Variants in WDR70 observed in about 807,000 individuals in gnomAD.
WDR70 encodes WD repeat-containing protein 70.
A neutral mutation model predicts 88.6 loss-of-function variants in WDR70; 53 were observed. That is an observed-to-expected ratio of 0.60 (90% CI 0.48 to 0.75). The LOEUF is 0.75. Among genes scored for constraint, WDR70 ranks in the 30% least tolerant of loss-of-function variants. The pLI, the probability that WDR70 is intolerant of heterozygous loss-of-function variation, is 0.00. For missense variants in WDR70, 610 were observed against 823.2 expected (o/e 0.74, Z 3.17); for synonymous variants, 280 against 270.0 (o/e 1.04, Z -0.36).
chr5:37,487,099 T>G (rs1739897304), intron 8 of WDR70, among the ~76,000 whole-genome samples: 1 of 152,198 alleles, frequency 6.6e-6, no homozygotes, highest in African/African-American at 2.4e-5. Context: ...AAATTAAAAT[T>G]AGTTACCAGC....
In WDR70 at chr5:37,723,128, G is replaced by T; in HGVS notation, c.1597+194G>T. 2.0e-5 allele frequency: 12 copies of T among 607,788 alleles called. No individual in the cohort carries two copies. The South Asian group carries it at 2.3e-4, about 12-fold the overall frequency. The allele number at this position is 607,788 out of a possible 1,614,324, so 37.6% of individuals were successfully genotyped here. On this transcript the variant is annotated intron_variant, in intron 15 of 17. Coordinates refer to ENST00000265107, the MANE Select transcript of WDR70 (RefSeq NM_018034.4). ...TTCTGTGACTCATCACAGGGACAGG[G>T]TTATTTCATGCAGCTTTCAACCCAA...
At chr5:37,716,301 C>G (rs1480834592) in intron 13 of WDR70, among the ~76,000 whole-genome samples, 1 of 152,110 alleles carries the variant, frequency 6.6e-6, no homozygotes, top group African/African-American at 2.4e-5. Flanking sequence ...ATTGCAGATC[C>G]CTAAGATGTT....
intron 13 of WDR70, among the ~76,000 whole-genome samples, chr5:37,711,004 A>G (rs1443299906): frequency 6.6e-6 from 1 of 152,092 alleles, no homozygotes; most frequent in African/African-American, 2.4e-5. Flanking sequence ...TTTAAACAAC[A>G]TTCAGAGGGA....
At chr5:37,455,647 T>G (rs1329927573) in intron 7 of WDR70, among the ~76,000 whole-genome samples, 2 of 137,852 alleles carry the variant, frequency 1.5e-5, no homozygotes, top group Non-Finnish European at 3.2e-5. Context: ...TTTTTTTTTT[T>G]TTTTTTTTGC....
intron 7 of WDR70, among the ~76,000 whole-genome samples, chr5:37,462,270 A>C (rs1382814147): frequency 6.6e-6 from 1 of 151,792 alleles, no homozygotes; most frequent in African/African-American, 2.4e-5. Context: ...ATATTTTTAC[A>C]TTTTTGGGTG....
intron 7 of WDR70, among the ~76,000 whole-genome samples, chr5:37,467,696 C>T (rs976100913): frequency 5.3e-5 from 8 of 151,706 alleles, no homozygotes; most frequent in East Asian, 1.9e-4. Context: ...CCACTGCGCC[C>T]GGCTAATTTT....
At chr5:37,745,198 A>G (rs1366841445) in intron 17 of WDR70, among the ~76,000 whole-genome samples, 1 of 152,178 alleles carries the variant, frequency 6.6e-6, no homozygotes, top group African/African-American at 2.4e-5. Context: ...CGAAGGAGAA[A>G]TAAAATCCTT....
At chr5:37,484,474 AG>A (rs1482835883) in intron 8 of WDR70, among the ~76,000 whole-genome samples, 3 of 152,156 alleles carry the variant, frequency 2.0e-5, no homozygotes, top group African/African-American at 7.2e-5. Context: ...AGAATCAGGC[AG>A]GGAGGTTGCA....
intron 10 of WDR70, among the ~76,000 whole-genome samples, chr5:37,607,956 A>G (rs6874891): frequency 6.6e-6 from 1 of 151,634 alleles, no homozygotes; most frequent in Admixed American, 6.6e-5. Flanking sequence ...GAGAGGGGGA[A>G]AGAATAGTGG....
intron 3 of WDR70, among the ~76,000 whole-genome samples, chr5:37,389,708 G>A (rs925724719): frequency 5.9e-5 from 9 of 151,872 alleles, no homozygotes; most frequent in Non-Finnish European, 1.2e-4. Context: ...CACCGTGCCC[G>A]ACAGGCCCAT....
chr5:37,613,288 A>T (rs1047105190), intron 10 of WDR70, among the ~76,000 whole-genome samples: 1 of 152,202 alleles, frequency 6.6e-6, no homozygotes, highest in Non-Finnish European at 1.5e-5. Flanking sequence ...TTCCTCCTGA[A>T]ACCTCACTAA....
intron 8 of WDR70, among the ~76,000 whole-genome samples, chr5:37,490,883 C>T (rs997310915): frequency 3.3e-5 from 5 of 152,070 alleles, no homozygotes; most frequent in African/African-American, 1.2e-4. Flanking sequence ...TGTGCTACAA[C>T]CCTCTCAGTG....
rs199917467 is a variant in WDR70 at position 37,605,157 on chromosome 5, G to A, written c.1011G>A (p.Thr337=). The A allele has an allele frequency of 2.9e-5, 46 of 1,613,172 alleles. No individual in the cohort carries two copies. The highest frequency in any genetic ancestry group is 3.3e-4 in the Middle Eastern group (2 of 6,080). ...AAGGCAAAAAAGTCATTCCCACTACGTGCACATATAGTAGAGATGGAAACC... is the reference window on the plus strand; with the variant it reads ...AAGGCAAAAAAGTCATTCCCACTACATGCACATATAGTAGAGATGGAAACC... ...TMQGKKVIPT[T]CTYSRDGNLI... The change falls in exon 10 of 18, where the codon ACG becomes ACA. Residue 337 remains threonine (T), a synonymous_variant. Coordinates refer to ENST00000265107, the MANE Select transcript of WDR70 (RefSeq NM_018034.4).
chr5:37,541,195 C>A (rs1245046443), intron 9 of WDR70, among the ~76,000 whole-genome samples: 1 of 152,208 alleles, frequency 6.6e-6, no homozygotes, highest in Non-Finnish European at 1.5e-5. Context: ...CCCATTTTCA[C>A]TGTGCCTTCC....
chr5:37,686,137 G>A (rs898215848), intron 10 of WDR70, among the ~76,000 whole-genome samples: 8 of 146,808 alleles, frequency 5.4e-5, no homozygotes, highest in African/African-American at 1.8e-4. Context: ...ACCACCCCCC[G>A]CCCCAGCTCT....
At chr5:37,538,958 A>C (rs578236) in intron 9 of WDR70, among the ~76,000 whole-genome samples, 3 of 152,142 alleles carry the variant, frequency 2.0e-5, no homozygotes, top group Middle Eastern at 3.4e-3. Context: ...CATAAATGAC[A>C]CTAGTATAAT....
At chr5:37,670,546 C>A (rs1364276056) in intron 10 of WDR70, among the ~76,000 whole-genome samples, 1 of 152,184 alleles carries the variant, frequency 6.6e-6, no homozygotes, top group East Asian at 1.9e-4. Context: ...ATTTTCCCAG[C>A]AGCTTATGAA....
chr5:37,409,104 A>G (rs1019887988), intron 5 of WDR70, among the ~76,000 whole-genome samples: 4 of 151,886 alleles, frequency 2.6e-5, no homozygotes, highest in African/African-American at 7.3e-5. Context: ...ATGCCCAGCT[A>G]ATTTTTGTAT....
chr5:37,512,038 C>T (rs529633069), intron 8 of WDR70, among the ~76,000 whole-genome samples: 1 of 152,188 alleles, frequency 6.6e-6, no homozygotes, highest in African/African-American at 2.4e-5. Context: ...TTACAGAGGC[C>T]AGAAGGCTGA....
Sources: gnomAD v4.1 joint callset for allele counts (sites outside exome capture counted in the v4.1 genomes callset) on GRCh38, gnomAD v4.1.1 for gene constraint, MANE v1.5 for transcripts, NCBI Gene and HGNC (gene_info 2026-07-23, HGNC 2026-07-21) for gene names.